Variants in LEMD3 observed in about 807,000 individuals in gnomAD.
LEMD3 encodes the protein inner nuclear membrane protein Man1.
A neutral mutation model predicts 95.2 loss-of-function variants in LEMD3; 33 were observed. That is an observed-to-expected ratio of 0.35 (90% confidence interval 0.26 to 0.46). The LOEUF (loss-of-function observed/expected upper bound fraction) is 0.46. Among genes scored for constraint, LEMD3 ranks in the 20% least tolerant of loss-of-function variants. The pLI is 1.00. For synonymous variants in LEMD3, 525 were observed against 474.6 expected (o/e 1.11, Z -1.38); for missense variants, 1,210 against 1,192.8 (o/e 1.01, Z -0.21).
chr12:65,223,549 C>A (rs1157393057), intron 4 of LEMD3, among the ~76,000 whole-genome samples: 1 of 151,948 alleles, frequency 6.6e-6, no homozygotes, highest in Non-Finnish European at 1.5e-5. Flanking sequence ...GTATGGCTAC[C>A]CCTACTCTTT....
intron 1 of LEMD3, among the ~76,000 whole-genome samples, chr12:65,173,849 A>G (rs1275598326): frequency 6.6e-6 from 1 of 152,192 alleles, no homozygotes; most frequent in Non-Finnish European, 1.5e-5. Flanking sequence ...GATGTATTGT[A>G]TGTCTACCCT....
At chr12:65,219,775 C>G (rs1446434587) in intron 4 of LEMD3, among the ~76,000 whole-genome samples, 1 of 152,140 alleles carries the variant, frequency 6.6e-6, no homozygotes, top group Non-Finnish European at 1.5e-5. Flanking sequence ...GTGTGATTAA[C>G]AGATACCTCA....
At chr12:65,218,810 A>G (rs1186930025) in intron 4 of LEMD3, among the ~76,000 whole-genome samples, 191 bp downstream of exon 4, 3 of 136,040 alleles carry the variant, frequency 2.2e-5, no homozygotes, top group Non-Finnish European at 4.6e-5. Context: ...TTTTTGTGAG[A>G]CACAGTTTCG....
chr12:65,170,071 A>T lies in LEMD3; in HGVS notation c.475A>T (p.Arg159Trp). ...CCGGGACCAGGCCGGCGGCGGCGGGAGGAAAGACCGGGCTTCGCTCCAGTA... is the reference window on the plus strand; with the variant it reads ...CCGGGACCAGGCCGGCGGCGGCGGGTGGAAAGACCGGGCTTCGCTCCAGTA... The part of the protein sequence containing the change: ...SPRDQAGGGG[R>W]KDRASLQYRG... Residue 159 changes from arginine to tryptophan, a missense_variant, in exon 1 of 13, where the codon AGG (arginine) becomes TGG (tryptophan). Arg to Trp is a moderately radical substitution (Grantham distance 101). This residue lies in a region of LEMD3 where 749 missense variants were observed against 622.9 expected (regional missense o/e 1.20). Coordinates refer to ENST00000308330, the MANE Select transcript of LEMD3 (RefSeq NM_014319.5). 6.8e-7 allele frequency: 1 copy of T among 1,467,300 alleles called. No individual in the cohort carries two copies. Among genetic ancestry groups the T allele is most frequent in the Non-Finnish European group, 8.9e-7 (1 of 1,117,652 alleles). The allele number at this position is 1,467,300 out of a possible 1,614,324, so 90.9% of individuals were successfully genotyped here.
chr12:65,228,515 C>T (rs1238728486), intron 4 of LEMD3, among the ~76,000 whole-genome samples: 2 of 151,994 alleles, frequency 1.3e-5, no homozygotes, highest in South Asian at 4.1e-4. Context: ...CCTGCCTCAG[C>T]CTCCCAAATA....
intron 1 of LEMD3, among the ~76,000 whole-genome samples, chr12:65,207,515 C>T (rs191605999): frequency 4.6e-5 from 7 of 152,174 alleles, no homozygotes; most frequent in African/African-American, 1.7e-4. Flanking sequence ...CGAACTGAAC[C>T]TTCAAGGCAA....
chr12:65,226,038 G>C (rs1277845843), intron 4 of LEMD3, among the ~76,000 whole-genome samples: 2 of 152,224 alleles, frequency 1.3e-5, no homozygotes, highest in African/African-American at 4.8e-5. Flanking sequence ...TCCCCAGGGA[G>C]AAGCCAAGAG....
At chr12:65,244,920 C>G (rs1871051891) in intron 10 of LEMD3, among the ~76,000 whole-genome samples, 1 of 152,030 alleles carries the variant, frequency 6.6e-6, no homozygotes, top group Non-Finnish European at 1.5e-5. Flanking sequence ...CACTGCACTC[C>G]AGCCTGGGTG....
intron 1 of LEMD3, among the ~76,000 whole-genome samples, chr12:65,196,892 A>G (rs1416027343): frequency 1.3e-5 from 2 of 152,116 alleles, no homozygotes; most frequent in Non-Finnish European, 2.9e-5. Context: ...TAAAAGAAAA[A>G]CTTTAGACAA....
chr12:65,246,451 C>A lies in LEMD3; in HGVS notation c.*126C>A. 1 of 783,682 alleles carries A rather than the reference C, an allele frequency of 1.3e-6. No individual in the cohort carries two copies. 48.5% of individuals were successfully genotyped at this position (783,682 alleles called of 1,614,324 possible). A position where few individuals can be genotyped will look rare whatever the true frequency, so the allele number is the denominator to read the frequency against. On this transcript the variant is annotated 3_prime_UTR_variant, in exon 13 of 13. Coordinates refer to ENST00000308330, the MANE Select transcript of LEMD3 (RefSeq NM_014319.5). ...ATTGATGAATACATCTCTGAACGTT[C>A]CAGAAGTCTTAAGGTTCCAAAGGGA... is the stretch of plus-strand genomic sequence containing the variant.
chr12:65,230,842 G>A (rs1870603204), intron 4 of LEMD3, among the ~76,000 whole-genome samples: 1 of 152,154 alleles, frequency 6.6e-6, no homozygotes, highest in Non-Finnish European at 1.5e-5. Flanking sequence ...TTTCCTATAG[G>A]GAAAGCTTTC....
chr12:65,246,125 T>G (rs1168077465), intron 12 of LEMD3, 37 bp from the exon 13 acceptor site: 2 of 1,521,946 alleles, frequency 1.3e-6, no homozygotes, highest in African/African-American at 2.7e-5. Context: ...ATTAAACAGT[T>G]TTACTGATCT....
chr12:65,225,303 G>A (rs779468019), intron 4 of LEMD3, among the ~76,000 whole-genome samples: 7 of 151,944 alleles, frequency 4.6e-5, no homozygotes, highest in East Asian at 1.9e-4. Context: ...GTTGGGATTC[G>A]TGCATTTAAC....
intron 1 of LEMD3, among the ~76,000 whole-genome samples, chr12:65,203,756 CT>C (rs1387424320): frequency 6.6e-6 from 1 of 152,120 alleles, no homozygotes; most frequent in African/African-American, 2.4e-5. Flanking sequence ...TTAGTGGATT[CT>C]TCCTTTTTTT....
chr12:65,180,568 A>G (rs969580715), intron 1 of LEMD3, among the ~76,000 whole-genome samples: 3 of 152,120 alleles, frequency 2.0e-5, no homozygotes, highest in Non-Finnish European at 4.4e-5. Context: ...AGAATAATGC[A>G]TCTATCATAT....
chr12:65,233,061 T>C (rs2136350423), intron 4 of LEMD3, among the ~76,000 whole-genome samples: 1 of 152,252 alleles, frequency 6.6e-6, no homozygotes, highest in South Asian at 2.1e-4. Flanking sequence ...AAGTACAGTG[T>C]GGTACTTTCT....
chr12:65,224,038 T>A (rs374012806), intron 4 of LEMD3, among the ~76,000 whole-genome samples: 4 of 152,140 alleles, frequency 2.6e-5, no homozygotes, highest in African/African-American at 7.2e-5. Flanking sequence ...ATTATTGATG[T>A]CACAGATTAC....
chr12:65,246,609 G>T lies in LEMD3; in HGVS notation c.*284G>T. On this transcript the variant is annotated 3_prime_UTR_variant, in exon 13 of 13. Coordinates refer to ENST00000308330, the MANE Select transcript of LEMD3 (RefSeq NM_014319.5). ...TTATTAAGCATTTTCAGATGTGGTG[G>T]TTGTATTTTTGCCCCAAGAAGTGTT... is the stretch of plus-strand genomic sequence containing the variant. 1 of 384,428 alleles carries T rather than the reference G, an allele frequency of 2.6e-6. No homozygotes were observed. The highest frequency in any genetic ancestry group is 4.8e-6 in the Non-Finnish European group (1 of 208,614). The allele number at this position is 384,428 out of a possible 1,614,324, so 23.8% of individuals were successfully genotyped here.
Position 65,185,830 on chromosome 12 carries a change from A to G in LEMD3, c.1522+14712A>G, listed in dbSNP as rs558431685. Among the ~76,000 whole-genome samples the G allele has an allele frequency of 8.6e-5, 13 of 151,946 alleles. No individual in the cohort carries two copies. The South Asian group carries it at 2.3e-3, about 27-fold the overall frequency. On this transcript the variant is annotated intron_variant, in intron 1 of 12. Transcript: ENST00000308330. ...CAAGATCTTGATTAACTCAGATTCT[A>G]TTAATATCTTTGATTGGTAAAACAT...
Sources: allele counts gnomAD v4.1 joint callset (sites outside exome capture counted in the v4.1 genomes callset), GRCh38; gene constraint gnomAD v4.1.1; regional missense constraint gnomAD v4.1.1; transcripts MANE v1.5; gene names NCBI Gene and HGNC (gene_info 2026-07-23, HGNC 2026-07-21).